Variants in ABAT observed in about 807,000 individuals in gnomAD.
ABAT encodes the protein 4-aminobutyrate aminotransferase.
In ABAT, 45 loss-of-function variants were observed where a neutral mutation model predicts 64.6. That is an observed-to-expected ratio of 0.70 (90% CI 0.55 to 0.89). The LOEUF is 0.89. Among genes scored for constraint, ABAT ranks in the 40% least tolerant of loss-of-function variants. ABAT has a pLI of 0.00. For synonymous variants in ABAT, 297 were observed against 250.5 expected (o/e 1.19, Z -1.75); for missense variants, 633 against 658.4 (o/e 0.96, Z 0.42).
At chr16:8,769,616 AG>A (rs1311222964) in intron 11 of ABAT, among the ~76,000 whole-genome samples, 1 of 151,462 alleles carries the variant, frequency 6.6e-6, no homozygotes, top group East Asian at 1.9e-4. Flanking sequence ...GATATCCCAC[AG>A]GAAAAAATGG....
chr16:8,724,961 G>C (rs1046980422), intron 1 of ABAT, among the ~76,000 whole-genome samples: 13 of 149,574 alleles, frequency 8.7e-5, no homozygotes, highest in Non-Finnish European at 1.8e-4. Flanking sequence ...CTGTTGCCCA[G>C]GCTGGAGTGC....
chr16:8,772,436 C>A lies in ABAT; in HGVS notation c.817-344C>A, dbSNP rs542709199. ...CAGCTAAAACATCTGGCCCAGCAATCAACTCATAGTGCTATATTTTCTCAT... is the reference window on the plus strand; with the variant it reads ...CAGCTAAAACATCTGGCCCAGCAATAAACTCATAGTGCTATATTTTCTCAT... On this transcript the variant is annotated intron_variant, in intron 11 of 15. Coordinates refer to ENST00000268251, the MANE Select transcript of ABAT (RefSeq NM_020686.6). Among the ~76,000 whole-genome samples, 6 of 152,322 alleles carry A rather than the reference C, an allele frequency of 3.9e-5. No homozygotes were observed. In the South Asian group the frequency reaches 1.2e-3, roughly 32 times the overall value.
At chr16:8,701,330 T>G (rs1411413398) in intron 1 of ABAT, among the ~76,000 whole-genome samples, 1 of 151,666 alleles carries the variant, frequency 6.6e-6, no homozygotes, top group Non-Finnish European at 1.5e-5. Flanking sequence ...AAATCTGCAG[T>G]GAATAACGTG....
chr16:8,723,698 C>T (rs1038356798), intron 1 of ABAT, among the ~76,000 whole-genome samples: 16 of 151,576 alleles, frequency 1.1e-4, no homozygotes, highest in African/African-American at 3.6e-4. Context: ...GTGAGAGAGG[C>T]ATCACTATCT....
chr16:8,722,933 C>A (rs1028329185), intron 1 of ABAT: 2 of 1,180,646 alleles, frequency 1.7e-6, no homozygotes, highest in South Asian at 1.3e-5. Context: ...AGAGTCCGAA[C>A]GGGCCTTAGA....
chr16:8,719,871 G>A (rs2058317600), intron 1 of ABAT, among the ~76,000 whole-genome samples: 2 of 152,236 alleles, frequency 1.3e-5, no homozygotes, highest in African/African-American at 4.8e-5. Flanking sequence ...GAGAGCAGTG[G>A]CACGACCTCT....
At chr16:8,699,877 G>A (rs963846186) in intron 1 of ABAT, among the ~76,000 whole-genome samples, 3 of 152,232 alleles carry the variant, frequency 2.0e-5, no homozygotes, top group East Asian at 1.9e-4. Context: ...GCAGTGGCAC[G>A]ATCACGGCTG....
intron 14 of ABAT, among the ~76,000 whole-genome samples, chr16:8,778,107 G>C (rs766166690): frequency 2.0e-5 from 3 of 152,134 alleles, no homozygotes; most frequent in Non-Finnish European, 2.9e-5. Flanking sequence ...ATTATTTGGG[G>C]TTTTCCAAGC....
chr16:8,765,923 C>G, intron 8 of ABAT: 1 of 400,876 alleles, frequency 2.5e-6, no homozygotes, highest in South Asian at 2.1e-5. Context: ...CACATCTGGC[C>G]TCCATTCTTC....
chr16:8,772,342 T>C (rs1297531031), intron 11 of ABAT, among the ~76,000 whole-genome samples: 2 of 148,672 alleles, frequency 1.3e-5, no homozygotes, highest in East Asian at 1.9e-4. Context: ...ATACCCGTGA[T>C]GTAGCTATTT....
intron 1 of ABAT, among the ~76,000 whole-genome samples, chr16:8,725,010 G>A (rs1158737318): frequency 1.3e-5 from 2 of 151,076 alleles, no homozygotes; most frequent in Non-Finnish European, 2.9e-5. Flanking sequence ...TCCGCCTCCC[G>A]GGTCCAAGCG....
At chr16:8,711,176 A>T (rs1261793885) in intron 1 of ABAT, among the ~76,000 whole-genome samples, 1 of 152,198 alleles carries the variant, frequency 6.6e-6, no homozygotes, top group Non-Finnish European at 1.5e-5. Context: ...CATTTGTATG[A>T]ATTTCCTCTC....
chr16:8,773,695 A>G (rs559015604), intron 12 of ABAT, among the ~76,000 whole-genome samples: 25 of 152,106 alleles, frequency 1.6e-4, no homozygotes, highest in African/African-American at 6.0e-4. Context: ...ACCAACCCCT[A>G]TTTATCTCCA....
rs2060490983 is a variant in ABAT, at chr16:8,783,805, T to C, written c.*2375T>C. 6.6e-6 allele frequency: 1 copy of C among 152,200 alleles called. No individual in the cohort carries two copies. Among genetic ancestry groups the C allele is most frequent in the Non-Finnish European group, 1.5e-5 (1 of 68,036 alleles). 9.4% of individuals were successfully genotyped at this position (152,200 alleles called of 1,614,324 possible). A position where few individuals can be genotyped will look rare whatever the true frequency, so the allele number is the denominator to read the frequency against. On this transcript the variant is annotated 3_prime_UTR_variant, in exon 16 of 16. Coordinates refer to ENST00000268251, the MANE Select transcript of ABAT (RefSeq NM_020686.6). ...TGGTAGGGAGAGGGGCTCCAATATT[T>C]CGTTCTCTCCCCATGGGGCACTGAC...
chr16:8,693,888 CAG>C (rs2057641498), intron 1 of ABAT, among the ~76,000 whole-genome samples: 2 of 151,798 alleles, frequency 1.3e-5, no homozygotes, highest in African/African-American at 4.8e-5. Context: ...AGAAATGATA[CAG>C]AGAGATCCTA....
intron 2 of ABAT, among the ~76,000 whole-genome samples, chr16:8,744,346 G>C (rs1421054757): frequency 6.6e-6 from 1 of 151,978 alleles, no homozygotes; most frequent in Non-Finnish European, 1.5e-5. Context: ...ATAGGAGCAA[G>C]AGAGCAAGCA....
chr16:8,746,209 G>C (rs535444893), intron 3 of ABAT, 111 bp downstream of exon 3: 11 of 832,796 alleles, frequency 1.3e-5, no homozygotes, highest in Non-Finnish European at 2.2e-5. Context: ...TGCTTTCAGA[G>C]AGTTCACCAC....
At chr16:8,743,720 TA>T (rs1694839489) in intron 2 of ABAT, among the ~76,000 whole-genome samples, 1 of 147,800 alleles carries the variant, frequency 6.8e-6, no homozygotes, top group Non-Finnish European at 1.5e-5. Context: ...TGTAGTTATA[TA>T]ATATATATTT....
intron 14 of ABAT, among the ~76,000 whole-genome samples, chr16:8,777,195 G>C (rs2060291495): frequency 6.6e-6 from 1 of 152,158 alleles, no homozygotes; most frequent in Non-Finnish European, 1.5e-5. Flanking sequence ...GGGCCACCGT[G>C]CCCGGCCCTG....
Sources: gnomAD v4.1 joint callset for allele counts (sites outside exome capture counted in the v4.1 genomes callset) on GRCh38, gnomAD v4.1.1 for gene constraint, MANE v1.5 for transcripts, NCBI Gene and HGNC (gene_info 2026-07-23, HGNC 2026-07-21) for gene names.